Variants in FXR2 observed in about 807,000 individuals in gnomAD.
The protein encoded by FXR2 is RNA-binding protein FXR2.
A neutral mutation model predicts 87.3 loss-of-function variants in FXR2; 9 were observed. That is an observed-to-expected ratio of 0.10 (90% CI 0.06 to 0.18). FXR2 has a LOEUF of 0.18. FXR2 is among the 10% of genes least tolerant of loss of function. The pLI is 1.00. For synonymous variants in FXR2, 331 were observed against 328.3 expected (o/e 1.01, Z -0.09); for missense variants, 661 against 893.6 (o/e 0.74, Z 3.32).
At chr17:7,598,757 C>T (rs1166121149) in intron 7 of FXR2, among the ~76,000 whole-genome samples, 1 of 152,098 alleles carries the variant, frequency 6.6e-6, no homozygotes, top group African/African-American at 2.4e-5. Context: ...GTCTATAATC[C>T]CAGCACTTTG....
rs913674815 is a variant in FXR2, at chr17:7,595,723, C to G, written c.831+101G>C. ...TTGACCTCCGAAGGTGCTGGGATTACAGGTGTGAGCCACTGTGCCCAGTTT... is the reference window on the plus strand; with the variant it reads ...TTGACCTCCGAAGGTGCTGGGATTAGAGGTGTGAGCCACTGTGCCCAGTTT... On this transcript the variant is annotated intron_variant, in intron 8 of 16. Transcript: ENST00000250113. The surrounding 1 kb of genome is among the most constrained non-coding windows in gnomAD (Gnocchi z 4.7). 15 of 878,856 alleles carry G rather than the reference C, an allele frequency of 1.7e-5. No individual in the cohort carries two copies. Among genetic ancestry groups the G allele is most frequent in the Admixed American group, 2.4e-5 (1 of 41,258 alleles). 54.4% of individuals were successfully genotyped at this position (878,856 alleles called of 1,614,324 possible). A position where few individuals can be genotyped will look rare whatever the true frequency, so the allele number is the denominator to read the frequency against.
intron 3 of FXR2, among the ~76,000 whole-genome samples, chr17:7,604,825 G>A (rs10153252): frequency 6.7e-6 from 1 of 149,884 alleles, no homozygotes; most frequent in Non-Finnish European, 1.5e-5. Flanking sequence ...GGGTTCAAGC[G>A]ATTCTCCTGC....
chr17:7,592,914 G>A lies in FXR2; in HGVS notation c.1529-20C>T. ...TCAGCACTGGTCAGAGGAAGAAGAG[G>A]AGGAGTTGGCAGTCAGGTGCCCATC... On this transcript the variant is annotated intron_variant, in intron 13 of 16. Coordinates refer to ENST00000250113, the MANE Select transcript of FXR2 (RefSeq NM_004860.4). This position sits in a 1 kb window ranked among gnomAD's most constrained non-coding sequence, Gnocchi z 4.8. 6.4e-7 allele frequency: 1 copy of A among 1,554,604 alleles called. No individual in the cohort carries two copies. Among genetic ancestry groups the A allele is most frequent in the Non-Finnish European group, 8.7e-7 (1 of 1,150,046 alleles).
chr17:7,597,676 T>G (rs191325706), intron 7 of FXR2, among the ~76,000 whole-genome samples: 1 of 152,192 alleles, frequency 6.6e-6, no homozygotes, highest in Non-Finnish European at 1.5e-5. Context: ...CCCAAAGTGC[T>G]GGGATTGCAG....
chr17:7,591,723 CT>C lies in FXR2; in HGVS notation c.*106del. On this transcript the variant is annotated 3_prime_UTR_variant, in exon 17 of 17. Transcript: ENST00000250113. The surrounding 1 kb of genome is among the most constrained non-coding windows in gnomAD (Gnocchi z 4.0). Reference sequence around the variant, plus strand: ...GTACCCAAGCTGCTGTGCCACCCCCCTCCCCCCTAGATAAGAGCAGCTCCAG... The same window carrying C: ...GTACCCAAGCTGCTGTGCCACCCCCCCCCCCCTAGATAAGAGCAGCTCCAG... 1 of 740,080 alleles carries C rather than the reference CT, an allele frequency of 1.4e-6. No individual in the cohort carries two copies. Among genetic ancestry groups the C allele is most frequent in the East Asian group, 2.7e-5 (1 of 37,528 alleles). The allele number at this position is 740,080 out of a possible 1,614,324, so 45.8% of individuals were successfully genotyped here.
rs2071837073 is a variant in FXR2 at position 7,609,927 on chromosome 17, T to TATATATAC, written c.82-3779_82-3778insGTATATAT. On this transcript the variant is annotated intron_variant, in intron 1 of 16. Transcript: ENST00000250113. ...ACATATATATGTATATATACATGTA[T>TATATATAC]ATGTATATATATACATGTATATGTA... is the stretch of plus-strand genomic sequence containing the variant. 3.3e-5 allele frequency among the ~76,000 whole-genome samples: 4 copies of TATATATAC among 122,648 alleles called. No individual in the cohort carries two copies. In the South Asian group the frequency reaches 9.0e-4, roughly 28 times the overall value. The allele number at this position is 122,648 out of a possible 152,430, so 80.5% of individuals were successfully genotyped here.
intron 1 of FXR2, among the ~76,000 whole-genome samples, chr17:7,609,811 T>C (rs2071833630): frequency 1.3e-5 from 2 of 151,438 alleles, no homozygotes. Flanking sequence ...GTAGATCAGC[T>C]GAGGCCAGGA....
intron 1 of FXR2, among the ~76,000 whole-genome samples, chr17:7,608,143 A>G (rs2150946783): frequency 6.6e-6 from 1 of 151,590 alleles, no homozygotes; most frequent in Non-Finnish European, 1.5e-5. Flanking sequence ...TTTAATAGAG[A>G]CAGGGTTTCG....
At chr17:7,597,716 G>A (rs1006471375) in intron 7 of FXR2, among the ~76,000 whole-genome samples, 7 of 151,934 alleles carry the variant, frequency 4.6e-5, no homozygotes, top group East Asian at 1.9e-4. Flanking sequence ...GCCCCTTTCC[G>A]GTTTTTAGAG....
At chr17:7,613,555 A>G (rs1160361012) in intron 1 of FXR2, among the ~76,000 whole-genome samples, 2 of 152,354 alleles carry the variant, frequency 1.3e-5, no homozygotes, top group East Asian at 3.9e-4. Flanking sequence ...CTTCCAAAAA[A>G]GGTTGTCAGA....
intron 7 of FXR2, among the ~76,000 whole-genome samples, chr17:7,600,655 G>A (rs2071747554): frequency 6.6e-6 from 1 of 152,182 alleles, no homozygotes; most frequent in South Asian, 2.1e-4. Flanking sequence ...GGAGGCCGAG[G>A]CAGGTGGATC....
chr17:7,596,052 A>G, intron 7 of FXR2, 58 bp from the exon 8 acceptor site: 1 of 1,337,314 alleles, frequency 7.5e-7, no homozygotes, highest in Non-Finnish European at 1.1e-6. Flanking sequence ...TCCCAGGCAC[A>G]CGACCCTTTG....
intron 7 of FXR2, among the ~76,000 whole-genome samples, chr17:7,599,262 A>G (rs1412106483): frequency 6.6e-6 from 1 of 151,802 alleles, no homozygotes; most frequent in Non-Finnish European, 1.5e-5. Flanking sequence ...TCGCACCACT[A>G]CATACACTCC....
At chr17:7,606,213 C>G in intron 1 of FXR2, 64 bp from the exon 2 acceptor site, 1 of 1,061,106 alleles carries the variant, frequency 9.4e-7, no homozygotes, top group Non-Finnish European at 1.4e-6. Flanking sequence ...CCTTAGCCAT[C>G]AAGGGAATAA....
At chr17:7,597,445 A>G (rs2071716286) in intron 7 of FXR2, among the ~76,000 whole-genome samples, 1 of 152,024 alleles carries the variant, frequency 6.6e-6, no homozygotes, top group Non-Finnish European at 1.5e-5. Flanking sequence ...ATGACCTATA[A>G]GCGTCTTCTA....
chr17:7,604,138 G>C, intron 3 of FXR2, 58 bp from the exon 4 acceptor site: 3 of 1,304,944 alleles, frequency 2.3e-6, no homozygotes, highest in Non-Finnish European at 3.3e-6. Flanking sequence ...CATCAAGAAA[G>C]GGATGAGGAG....
chr17:7,614,196 G>A (rs1365729956), intron 1 of FXR2: 6 of 675,294 alleles, frequency 8.9e-6, no homozygotes, highest in Non-Finnish European at 1.6e-5. Context: ...CGCCAAGCCA[G>A]GGACAATAAT....
At chr17:7,612,524 C>G (rs1047983763) in intron 1 of FXR2, among the ~76,000 whole-genome samples, 7 of 152,018 alleles carry the variant, frequency 4.6e-5, no homozygotes. Context: ...CTTCCTTCAG[C>G]TAGACAGGGA....
rs139721455 is a variant in FXR2, at chr17:7,594,966, T to C, written c.832-209A>G. On this transcript the variant is annotated intron_variant, in intron 8 of 16. Coordinates refer to ENST00000250113, the MANE Select transcript of FXR2 (RefSeq NM_004860.4). The surrounding 1 kb of genome is among the most constrained non-coding windows in gnomAD (Gnocchi z 5.1). Reference sequence around the variant, plus strand: ...TACAAAAATACTAAAATACTAAAAATACAAAATTGGTGGCTCACGTCTCTA... The same window carrying C: ...TACAAAAATACTAAAATACTAAAAACACAAAATTGGTGGCTCACGTCTCTA... 5.9e-5 allele frequency among the ~76,000 whole-genome samples: 9 copies of C among 151,756 alleles called. No individual in the cohort carries two copies. The East Asian group carries it at 1.7e-3, about 29-fold the overall frequency.
Sources: gnomAD v4.1 joint callset for allele counts (sites outside exome capture counted in the v4.1 genomes callset) on GRCh38, gnomAD v4.1.1 for gene constraint, Gnocchi (gnomAD v3.1) non-coding constraint, MANE v1.5 for transcripts, NCBI Gene and HGNC (gene_info 2026-07-23, HGNC 2026-07-21) for gene names.